The following SLIT3 variants were observed in gnomAD, a reference collection of about 807,000 sequenced individuals.
SLIT3 encodes slit guidance ligand 3.
Under a neutral mutation model 184.0 loss-of-function variants are expected in SLIT3, and 68 were observed. The observed-to-expected ratio is 0.37, with a 90% CI of 0.30 to 0.45. The LOEUF is 0.45. SLIT3 is among the 20% of genes least tolerant of loss of function. The pLI is 1.00. For synonymous variants in SLIT3, 831 were observed against 828.6 expected, an observed-to-expected ratio of 1.00 and a Z score of -0.05; for missense variants, 1,707 against 2,026.0, an observed-to-expected ratio of 0.84 and a Z score of 3.02.
At chr5:169,004,676 A>G (rs1262963604) in intron 4 of SLIT3, among the ~76,000 whole-genome samples, 1 of 152,140 alleles carries the variant, frequency 6.6e-6, no homozygotes, top group Non-Finnish European at 1.5e-5. Flanking sequence ...TGAAAGCCTA[A>G]CCACCAAGAC....
At chr5:168,800,592 AAAAG>A (rs58562472) in intron 9 of SLIT3, among the ~76,000 whole-genome samples, 21,863 of 146,152 alleles carry the variant, frequency 0.15, 2,230 homozygotes, top group East Asian at 0.27. Flanking sequence ...TGTCTCAAAA[AAAAG>A]AAAGAAAGAA....
At chr5:168,779,657 A>C (rs118114828) in intron 12 of SLIT3, among the ~76,000 whole-genome samples, 1 of 152,196 alleles carries the variant, frequency 6.6e-6, no homozygotes, top group Non-Finnish European at 1.5e-5. Flanking sequence ...CAGAAAACAG[A>C]AGCCACTGGG....
intron 5 of SLIT3, among the ~76,000 whole-genome samples, chr5:168,870,253 G>T (rs1759465314): frequency 6.6e-6 from 1 of 152,236 alleles, no homozygotes; most frequent in Non-Finnish European, 1.5e-5. Flanking sequence ...TTCCAGAACT[G>T]GCTGTTGCCC....
intron 30 of SLIT3, 112 bp from the exon 31 acceptor site, chr5:168,686,039 G>A: frequency 8.0e-7 from 1 of 1,248,070 alleles, no homozygotes; most frequent in Non-Finnish European, 1.1e-6. Context: ...GATGGGAAAT[G>A]ACACTAGTTC....
At chr5:169,226,034 G>T (rs900498496) in intron 3 of SLIT3, among the ~76,000 whole-genome samples, 1 of 152,144 alleles carries the variant, frequency 6.6e-6, no homozygotes, top group Non-Finnish European at 1.5e-5. Context: ...TGGATAAGCA[G>T]GCAAGGGGAG....
intron 1 of SLIT3, among the ~76,000 whole-genome samples, chr5:169,287,734 C>G: frequency 6.6e-6 from 1 of 152,148 alleles, no homozygotes; most frequent in Non-Finnish European, 1.5e-5. Context: ...AAGGGAGGTG[C>G]CAGCTTCTAG....
At chr5:169,161,645 A>C (rs1762479902) in intron 4 of SLIT3, among the ~76,000 whole-genome samples, 1 of 145,686 alleles carries the variant, frequency 6.9e-6, no homozygotes, top group Non-Finnish European at 1.5e-5. Flanking sequence ...GTGGTCATAA[A>C]ACAGTCTTTT....
chr5:168,704,566 G>C (rs1210576913), intron 26 of SLIT3, among the ~76,000 whole-genome samples: 5 of 152,142 alleles, frequency 3.3e-5, no homozygotes, highest in African/African-American at 4.8e-5. Context: ...TCATCTTTCT[G>C]AACCTTAGTT....
chr5:168,852,499 A>T (rs1341073992), intron 5 of SLIT3, among the ~76,000 whole-genome samples: 3 of 152,228 alleles, frequency 2.0e-5, no homozygotes, highest in Non-Finnish European at 4.4e-5. Context: ...TCATTCAAAT[A>T]CAAGATGGCA....
intron 3 of SLIT3, among the ~76,000 whole-genome samples, chr5:169,243,735 G>A (rs1296907288): frequency 6.6e-6 from 1 of 152,250 alleles, no homozygotes; most frequent in Non-Finnish European, 1.5e-5. Context: ...TTGGCAACCA[G>A]ACAGGTAAAC....
Position 168,931,617 on chromosome 5 carries a change from G to T in SLIT3, c.414-48281C>A, listed in dbSNP as rs188255815. Reference sequence around the variant, plus strand: ...AGTGTGTACTGAGTATACGATGAGGGGATAGGACCTAGGCTGGGTGCCGGA... The same window carrying T: ...AGTGTGTACTGAGTATACGATGAGGTGATAGGACCTAGGCTGGGTGCCGGA... On this transcript the variant is annotated intron_variant, in intron 4 of 35. Transcript: ENST00000519560. 2.0e-3 allele frequency among the ~76,000 whole-genome samples: 312 copies of T among 152,330 alleles called. 2 individuals are homozygous for T. Among genetic ancestry groups the T allele is most frequent in the African/African-American group, 7.2e-3 (300 of 41,570 alleles).
chr5:168,743,724 A>G, intron 20 of SLIT3, among the ~76,000 whole-genome samples: 1 of 152,266 alleles, frequency 6.6e-6, no homozygotes, highest in Non-Finnish European at 1.5e-5. Context: ...TCTTGGACCA[A>G]ATAGCCAAAT....
At chr5:168,910,136 G>C (rs925203525) in intron 4 of SLIT3, among the ~76,000 whole-genome samples, 26 of 152,202 alleles carry the variant, frequency 1.7e-4, no homozygotes, top group Non-Finnish European at 3.4e-4. Flanking sequence ...TCCCCTTGAT[G>C]ATGGGTCACT....
At chr5:169,083,055 G>T (rs573057571) in intron 4 of SLIT3, among the ~76,000 whole-genome samples, 1 of 152,278 alleles carries the variant, frequency 6.6e-6, no homozygotes, top group African/African-American at 2.4e-5. Context: ...TTCAAAATAA[G>T]AATTTGGTCT....
chr5:168,947,323 A>C (rs1241155776), intron 4 of SLIT3, among the ~76,000 whole-genome samples: 1 of 152,180 alleles, frequency 6.6e-6, no homozygotes, highest in Non-Finnish European at 1.5e-5. Flanking sequence ...TGTGGGTGTC[A>C]TCTCTGCAGA....
At chr5:168,794,963 T>A (rs191089334) in intron 10 of SLIT3, among the ~76,000 whole-genome samples, 90 of 152,296 alleles carry the variant, frequency 5.9e-4, no homozygotes, top group African/African-American at 2.0e-3. Flanking sequence ...ATTTCTGATA[T>A]TTGTTTCTTT....
intron 2 of SLIT3, among the ~76,000 whole-genome samples, chr5:169,245,000 A>G (rs1456445797): frequency 6.6e-6 from 1 of 152,204 alleles, no homozygotes; most frequent in African/African-American, 2.4e-5. Flanking sequence ...ATTGGTTTCC[A>G]TGCCTCTATT....
chr5:169,044,685 T>A (rs995219070), intron 4 of SLIT3, among the ~76,000 whole-genome samples: 2 of 152,122 alleles, frequency 1.3e-5, no homozygotes, highest in African/African-American at 4.8e-5. Context: ...TCACACAACA[T>A]AGTGCATAGA....
At chr5:169,285,407 GAGATT>G (rs1329617269) in intron 1 of SLIT3, among the ~76,000 whole-genome samples, 3 of 152,146 alleles carry the variant, frequency 2.0e-5, no homozygotes, top group Non-Finnish European at 4.4e-5. Context: ...GTCTACTTAA[GAGATT>G]AGATTATATG....
Sources: gnomAD v4.1 joint callset for allele counts (sites outside exome capture counted in the v4.1 genomes callset) on GRCh38, gnomAD v4.1.1 for gene constraint, MANE v1.5 for transcripts, NCBI Gene and HGNC (gene_info 2026-07-23, HGNC 2026-07-21) for gene names.